CCHCR1: variants seen among roughly 807,000 people sequenced by gnomAD.
CCHCR1 encodes coiled-coil alpha-helical rod protein 1.
A neutral mutation model predicts 114.6 loss-of-function variants in CCHCR1; 91 were observed. That is an observed-to-expected ratio of 0.79 (90% CI 0.67 to 0.94). The LOEUF is 0.94. Among genes scored for constraint, CCHCR1 ranks in the 40% least tolerant of loss-of-function variants. CCHCR1 has a pLI of 0.00. For synonymous variants in CCHCR1, 379 were observed against 428.5 expected (o/e 0.88, Z 1.43); for missense variants, 899 against 1,079.9 (o/e 0.83, Z 2.35).
intron 10 of CCHCR1, among the ~76,000 whole-genome samples, chr6:31,147,934 C>T (rs1265068): frequency 0.21 from 31,977 of 151,452 alleles, 3,500 homozygotes; most frequent in East Asian, 0.34. Context: ...GCCAAGATTG[C>T]GCCATTGCAC....
At chr6:31,157,288 A>C in intron 1 of CCHCR1, 97 bp downstream of exon 1, 4 of 1,116,886 alleles carry the variant, frequency 3.6e-6, no homozygotes, top group Non-Finnish European at 5.1e-6. Context: ...ATGGAACCCA[A>C]GCAACTATCA....
chr6:31,143,125 G>C lies in CCHCR1; in HGVS notation c.2329C>G (p.Gln777Glu). The C allele has an allele frequency of 1.2e-6, 2 of 1,612,906 alleles. No individual in the cohort carries two copies. The highest frequency in any genetic ancestry group is 1.1e-5 in the South Asian group (1 of 91,064). The part of the protein sequence containing the change: ...RDKNLMLATL[Q>E]QEGLLSRYKQ... ...TAACGGGAGAGGAGACCTTCCTGCT[G>C]CAAGGTGGCCTGGGAAGGAGAGGGT... The change falls in exon 17 of 18, where the codon CAG becomes GAG. Residue 777 changes from glutamine to glutamate, a missense_variant. Gln to Glu is a conservative substitution (Grantham distance 29). Transcript: ENST00000396268. The surrounding 1 kb of genome is among the most constrained non-coding windows in gnomAD (Gnocchi z 5.3).
chr6:31,149,952 C>A, intron 8 of CCHCR1, 114 bp downstream of exon 8: 1 of 1,151,472 alleles, frequency 8.7e-7, no homozygotes. Context: ...TTGTTCAGGG[C>A]TGTGTGCCCA....
At chr6:31,146,119 G>A (rs1263105268) in intron 10 of CCHCR1, among the ~76,000 whole-genome samples, 1 of 152,204 alleles carries the variant, frequency 6.6e-6, no homozygotes, top group Non-Finnish European at 1.5e-5. Context: ...GCCGAGGCGG[G>A]CGGATCACCT....
chr6:31,154,782 C>A lies in CCHCR1; in HGVS notation c.515G>T (p.Gly172Val). The A allele has an allele frequency of 1.9e-6, 3 of 1,603,742 alleles. No individual in the cohort carries two copies. Among genetic ancestry groups the A allele is most frequent in the Non-Finnish European group, 2.5e-6 (3 of 1,179,434 alleles). ...GRRGRSWGLEGSQALSQQAEV... is the reference protein window; with the variant it reads ...GRRGRSWGLEVSQALSQQAEV... ...AGCCTGCTGGCTCAGGGCCTGTGACCCCTCCAGCCCCCAGGACCTTCAAAG... is the reference window on the plus strand; with the variant it reads ...AGCCTGCTGGCTCAGGGCCTGTGACACCTCCAGCCCCCAGGACCTTCAAAG... The change falls in exon 4 of 18, where the codon GGG becomes GTG. Residue 172 changes from glycine to valine, a missense_variant. Gly to Val is a moderately radical substitution (Grantham distance 109, BLOSUM62 -3). Coordinates refer to ENST00000396268, the MANE Select transcript of CCHCR1 (RefSeq NM_001105564.2). This position sits in a 1 kb window ranked among gnomAD's most constrained non-coding sequence, Gnocchi z 4.1.
At chr6:31,152,477 T>C (rs1264424012) in intron 4 of CCHCR1, among the ~76,000 whole-genome samples, 2 of 138,704 alleles carry the variant, frequency 1.4e-5, no homozygotes, top group African/African-American at 5.4e-5. Context: ...TAGCTGAGAT[T>C]ACAGGCATGA....
At position 31,154,425 on chromosome 6, in the gene CCHCR1, C is replaced by A; in HGVS notation, c.801+71G>T. The A allele has an allele frequency of 8.0e-7, 1 of 1,253,500 alleles. No individual in the cohort carries two copies. Among genetic ancestry groups the A allele is most frequent in the Non-Finnish European group, 1.1e-6 (1 of 873,398 alleles). The allele number at this position is 1,253,500 out of a possible 1,614,324, so 77.6% of individuals were successfully genotyped here. On this transcript the variant is annotated intron_variant, in intron 4 of 17. Coordinates refer to ENST00000396268, the MANE Select transcript of CCHCR1 (RefSeq NM_001105564.2). The surrounding 1 kb of genome is among the most constrained non-coding windows in gnomAD (Gnocchi z 4.1). ...TCATGGAGGGTCTTTTCTGCAATAC[C>A]TGTTCTTTGCTTGGAAGCTACTGCC...
In CCHCR1 at chr6:31,150,330, T is replaced by G; in HGVS notation, c.1213-115A>C. 1 of 1,368,846 alleles carries G rather than the reference T, an allele frequency of 7.3e-7. No homozygotes were observed. Among genetic ancestry groups the G allele is most frequent in the Non-Finnish European group, 1.0e-6 (1 of 977,640 alleles). 84.8% of individuals were successfully genotyped at this position (1,368,846 alleles called of 1,614,324 possible). On this transcript the variant is annotated intron_variant, in intron 7 of 17. Coordinates refer to ENST00000396268, the MANE Select transcript of CCHCR1 (RefSeq NM_001105564.2). The surrounding 1 kb of genome is among the most constrained non-coding windows in gnomAD (Gnocchi z 5.3). ...GCAACATGAGCTACAGCAAGAGGAG[T>G]TCACAGGAAGGAGATCTAAGCAGGT...
In CCHCR1 at chr6:31,157,325, AGACT is replaced by A. The variant is rs779880568; in HGVS notation, c.216+56_216+59del. Reference sequence around the variant, plus strand: ...GTGGAGAGAATTTACTGAAAGAGACAGACTGAGAGGGGCTCTGAGGCTTTACTCA... The same window carrying A: ...GTGGAGAGAATTTACTGAAAGAGACAGAGAGGGGCTCTGAGGCTTTACTCA... On this transcript the variant is annotated intron_variant, in intron 1 of 17. Coordinates refer to ENST00000396268, the MANE Select transcript of CCHCR1 (RefSeq NM_001105564.2). 8 of 1,403,370 alleles carry A rather than the reference AGACT, an allele frequency of 5.7e-6. No homozygotes were observed. The East Asian group carries it at 6.8e-5, about 12-fold the overall frequency. 86.9% of individuals were successfully genotyped at this position (1,403,370 alleles called of 1,614,324 possible).
In CCHCR1 at chr6:31,148,421, C is replaced by T. The variant is rs1304954396; in HGVS notation, c.1564G>A (p.Val522Ile). 6.2e-7 allele frequency: 1 copy of T among 1,606,844 alleles called. No homozygotes were observed. Among genetic ancestry groups the T allele is most frequent in the African/African-American group, 1.3e-5 (1 of 74,822 alleles). Reference protein sequence around the residue: ...ASAEEQLRLVVNAVSSSQIWL... With the variant: ...ASAEEQLRLVINAVSSSQIWL... ...CCCTGATACCTGCTGACAGCATTGACCACAAGCCTCAGCTGCTCCTCGGCT... is the reference window on the plus strand; with the variant it reads ...CCCTGATACCTGCTGACAGCATTGATCACAAGCCTCAGCTGCTCCTCGGCT... Residue 522 changes from valine to isoleucine, a missense_variant, in exon 10 of 18, where the codon GTC becomes ATC. Coordinates refer to ENST00000396268, the MANE Select transcript of CCHCR1 (RefSeq NM_001105564.2).
rs757495071 is a variant in CCHCR1, at chr6:31,157,050, T to C, written c.256A>G (p.Asn86Asp). Reference sequence around the variant, plus strand: ...GAAGGTGGAAACATCTCCACATTATTTGAAGGCTCTAGATTCTGTCTCCAG... The same window carrying C: ...GAAGGTGGAAACATCTCCACATTATCTGAAGGCTCTAGATTCTGTCTCCAG... The part of the protein sequence containing the change: ...DGWRQNLEPS[N>D]NVEMFPPSGS... The change falls in exon 2 of 18, where the codon AAT becomes GAT. Residue 86 changes from asparagine (N) to aspartate (D), a missense_variant. Coordinates refer to ENST00000396268, the MANE Select transcript of CCHCR1 (RefSeq NM_001105564.2). 72 of 1,612,454 alleles carry C rather than the reference T, an allele frequency of 4.5e-5. No individual in the cohort carries two copies. In the South Asian group the frequency reaches 6.3e-4, roughly 14 times the overall value.
At chr6:31,158,028 T>A (rs1034726006), upstream of CCHCR1, 1 of 238,648 alleles carries the variant, frequency 4.2e-6, no homozygotes, top group Admixed American at 5.1e-5. Flanking sequence ...GCCCGTGAGC[T>A]CTAAGGCTGT....
chr6:31,153,145 A>G (rs1775492376), intron 4 of CCHCR1, among the ~76,000 whole-genome samples: 1 of 151,762 alleles, frequency 6.6e-6, no homozygotes, highest in Non-Finnish European at 1.5e-5. Context: ...ATACCCGGCT[A>G]ATTTTTGTAT....
chr6:31,143,111 G>A lies in CCHCR1; in HGVS notation c.2343C>T (p.Leu781=). Residue 781 remains leucine, a synonymous_variant, in exon 17 of 18, where the codon CTC becomes CTT. Transcript: ENST00000396268. This position sits in a 1 kb window ranked among gnomAD's most constrained non-coding sequence, Gnocchi z 5.3. ...LMLATLQQEG[L]LSRYKQQRLL... ...GTCGCTGCTGCTTGTAACGGGAGAGGAGACCTTCCTGCTGCAAGGTGGCCT... is the reference window on the plus strand; with the variant it reads ...GTCGCTGCTGCTTGTAACGGGAGAGAAGACCTTCCTGCTGCAAGGTGGCCT... The A allele has an allele frequency of 4.3e-6, 7 of 1,612,886 alleles. No individual in the cohort carries two copies. The highest frequency in any genetic ancestry group is 5.9e-6 in the Non-Finnish European group (7 of 1,179,998).
Position 31,142,705 on chromosome 6 carries a change from CAG to C in CCHCR1, c.2501_2502del (p.Ser834CysfsTer5). The stretch of plus-strand genomic sequence containing the variant: ...AGGTCCTGCAGGTCATCGAGCAGGA[CAG>C]AGAGGGACCCTGGGAAGGAAGACAG... ...PTRESIKGSL[S>X]VLLDDLQDLS... is the part of the protein sequence containing the mutation. On this transcript the variant is annotated frameshift_variant, in exon 18 of 18. Transcript: ENST00000396268. LOFTEE classifies it low-confidence loss of function (END_TRUNC). 6.2e-7 allele frequency: 1 copy of C among 1,609,370 alleles called. No homozygotes were observed. Among genetic ancestry groups the C allele is most frequent in the Non-Finnish European group, 8.5e-7 (1 of 1,178,096 alleles).
rs182682617 is a variant in CCHCR1, at chr6:31,144,123, G to A, written c.2167+564C>T. ...AGTGATTCAAAAGATGTACAAATAT[G>A]TGTGTATATAGATAAGAGACCAAAT... On this transcript the variant is annotated intron_variant, in intron 15 of 17. Transcript: ENST00000396268. This position sits in a 1 kb window ranked among gnomAD's most constrained non-coding sequence, Gnocchi z 4.6. Among the ~76,000 whole-genome samples, 1 of 152,308 alleles carries A rather than the reference G, an allele frequency of 6.6e-6. No individual in the cohort carries two copies. Among genetic ancestry groups the A allele is most frequent in the East Asian group, 1.9e-4 (1 of 5,184 alleles).
intron 4 of CCHCR1, among the ~76,000 whole-genome samples, chr6:31,152,553 G>T (rs191670690): frequency 6.6e-6 from 1 of 152,128 alleles, no homozygotes; most frequent in African/African-American, 2.4e-5. Context: ...TGGCCAGGCT[G>T]GTCTCGAACT....
rs375819943 is a variant in CCHCR1 at position 31,154,591 on chromosome 6, G to A, written c.706C>T (p.Arg236Cys). The change falls in exon 4 of 18, where the codon CGT (arginine) becomes TGT (cysteine). Residue 236 changes from arginine (R) to cysteine (C), a missense_variant. Arg to Cys is a radical substitution (Grantham distance 180). Transcript: ENST00000396268. The surrounding 1 kb of genome is among the most constrained non-coding windows in gnomAD (Gnocchi z 4.1). Reference protein sequence around the residue: ...KAGRAEAEGLRAALAGAEVVR... With the variant: ...KAGRAEAEGLCAALAGAEVVR... ...ACCTCAGCCCCAGCCAAAGCAGCAC[G>A]CAGGCCCTCAGCCTCAGCTCGGCCG... 2.3e-4 allele frequency: 377 copies of A among 1,612,986 alleles called. 1 individual carries two copies. The highest frequency in any genetic ancestry group is 1.3e-3 in the South Asian group (115 of 91,088).
rs1774241743 is a variant in CCHCR1, at chr6:31,145,741, T to G, written c.1648A>C (p.Asn550His). Reference sequence around the variant, plus strand: ...CGGACAGCATAGCTGAGTCGGTTGTTGAGGCTGGGAAGCTGGGCGGCAGCC... The same window carrying G: ...CGGACAGCATAGCTGAGTCGGTTGTGGAGGCTGGGAAGCTGGGCGGCAGCC... Reference protein sequence around the residue: ...EGAAAQLPSLNNRLSYAVRKV... With the variant: ...EGAAAQLPSLHNRLSYAVRKV... The change falls in exon 11 of 18, where the codon AAC (asparagine) becomes CAC (histidine). Residue 550 changes from asparagine (N) to histidine (H), a missense_variant. Transcript: ENST00000396268. 37 of 1,613,566 alleles carry G rather than the reference T, an allele frequency of 2.3e-5. No individual in the cohort carries two copies. The East Asian group carries it at 8.2e-4, about 36-fold the overall frequency.
Sources: allele counts gnomAD v4.1 joint callset (sites outside exome capture counted in the v4.1 genomes callset), GRCh38; gene constraint gnomAD v4.1.1; non-coding constraint Gnocchi (gnomAD v3.1); transcripts MANE v1.5; gene names NCBI Gene and HGNC (gene_info 2026-07-23, HGNC 2026-07-21).